The following MAF variants were observed in gnomAD, a reference collection of about 807,000 sequenced individuals.
The protein encoded by MAF is MAF bZIP transcription factor, also known as transcription factor Maf.
Under a neutral mutation model 22.0 loss-of-function variants are expected in MAF, and 10 were observed. The ratio of observed to expected loss-of-function variants is 0.45; its 90% CI spans 0.28 to 0.77. MAF has a LOEUF of 0.77. Among genes scored for constraint, MAF ranks in the 30% least tolerant of loss-of-function variants. The pLI is 0.12. For missense variants in MAF, 544 were observed against 548.4 expected, an observed-to-expected ratio of 0.99 and a Z score of 0.08; for synonymous variants, 337 against 255.8, an observed-to-expected ratio of 1.32 and a Z score of -3.03.
chr16:79,279,404 G>A, the MAF span, among the ~76,000 whole-genome samples: 3 of 152,184 alleles, frequency 2.0e-5, no homozygotes, highest in Non-Finnish European at 4.4e-5. Context: ...GACACGTAAA[G>A]GTTAGTGGCT....
the MAF span, among the ~76,000 whole-genome samples, chr16:79,388,765 T>G: frequency 1.3e-5 from 2 of 152,220 alleles, no homozygotes; most frequent in Non-Finnish European, 2.9e-5. Context: ...TTGTGTGCAT[T>G]AGCACCATTG....
the MAF span, among the ~76,000 whole-genome samples, chr16:79,436,925 G>C: frequency 5.3e-5 from 8 of 152,144 alleles, no homozygotes. Context: ...AGTCTCCCAA[G>C]GTGCCTGTTT....
At chr16:79,544,675 G>C in the MAF span, among the ~76,000 whole-genome samples, 4 of 150,760 alleles carry the variant, frequency 2.7e-5, no homozygotes, top group African/African-American at 4.9e-5. Context: ...TCGGGAGGCT[G>C]AGCAGGAGAA....
chr16:79,578,909 A>G, the MAF span, among the ~76,000 whole-genome samples: 2 of 152,196 alleles, frequency 1.3e-5, no homozygotes, highest in Non-Finnish European at 2.9e-5. Context: ...ATAAAAATAC[A>G]GCAGAGTCCC....
chr16:79,372,826 C>G, the MAF span, among the ~76,000 whole-genome samples: 1 of 152,198 alleles, frequency 6.6e-6, no homozygotes, highest in African/African-American at 2.4e-5. Context: ...CAGCTCCAGA[C>G]CCACTGATTT....
the MAF span, among the ~76,000 whole-genome samples, chr16:79,346,874 CT>C: frequency 6.6e-6 from 1 of 152,288 alleles, no homozygotes; most frequent in East Asian, 1.9e-4. Flanking sequence ...GCAGATGATG[CT>C]GTTAGCATTT....
At chr16:79,321,948 T>G in the MAF span, among the ~76,000 whole-genome samples, 1 of 152,018 alleles carries the variant, frequency 6.6e-6, no homozygotes, top group Admixed American at 6.5e-5. Flanking sequence ...AAAAGGTCTT[T>G]GGACCTGGCA....
the MAF span, among the ~76,000 whole-genome samples, chr16:79,543,061 T>G: frequency 1.3e-5 from 2 of 152,228 alleles, no homozygotes; most frequent in Admixed American, 6.5e-5. Flanking sequence ...ACAGTAAATG[T>G]TAAGCCTTTT....
At chr16:79,388,322 T>C in the MAF span, among the ~76,000 whole-genome samples, 96 of 151,530 alleles carry the variant, frequency 6.3e-4, 2 homozygotes, top group African/African-American at 2.2e-3. Context: ...TTCTACAATA[T>C]AGTAAAACTA....
the MAF span, among the ~76,000 whole-genome samples, chr16:79,226,762 A>C: frequency 8.5e-5 from 13 of 152,208 alleles, no homozygotes; most frequent in African/African-American, 2.9e-4. Context: ...TTCTATGATA[A>C]AGGTATGCTC....
chr16:79,409,992 G>C, the MAF span, among the ~76,000 whole-genome samples: 1 of 152,290 alleles, frequency 6.6e-6, no homozygotes, highest in South Asian at 2.1e-4. Context: ...GAGTCCTTGT[G>C]GATGAATTGC....
At chr16:79,529,936 G>A in the MAF span, among the ~76,000 whole-genome samples, 405 of 150,262 alleles carry the variant, frequency 2.7e-3, 4 homozygotes, top group Non-Finnish European at 7.1e-4. Flanking sequence ...GCTCCAGCCT[G>A]GGCAACAAGA....
At chr16:79,465,549 G>C in the MAF span, among the ~76,000 whole-genome samples, 3 of 152,128 alleles carry the variant, frequency 2.0e-5, no homozygotes, top group Admixed American at 6.5e-5. Context: ...CCGTGATCCC[G>C]TGATCGCACC....
At chr16:79,342,293 G>C in the MAF span, among the ~76,000 whole-genome samples, 1 of 152,164 alleles carries the variant, frequency 6.6e-6, no homozygotes, top group South Asian at 2.1e-4. Flanking sequence ...CCAAGAAAGA[G>C]GGCCCTCGTT....
At chr16:79,279,282 C>T in the MAF span, among the ~76,000 whole-genome samples, 2 of 152,146 alleles carry the variant, frequency 1.3e-5, no homozygotes, top group African/African-American at 4.8e-5. Flanking sequence ...GTCACTGTGA[C>T]CTCCTTGAGC....
At chr16:79,416,782 C>T in the MAF span, among the ~76,000 whole-genome samples, 19 of 152,332 alleles carry the variant, frequency 1.2e-4, no homozygotes, top group African/African-American at 4.3e-4. Context: ...TTGCTACCCT[C>T]TCCCTGTAGA....
At chr16:79,492,426 A>G in the MAF span, among the ~76,000 whole-genome samples, 2 of 152,198 alleles carry the variant, frequency 1.3e-5, no homozygotes, top group African/African-American at 2.4e-5. Flanking sequence ...GTATTTGGGC[A>G]ATTTACATGG....
At chr16:79,556,298 C>T in the MAF span, among the ~76,000 whole-genome samples, 1 of 152,090 alleles carries the variant, frequency 6.6e-6, no homozygotes, top group African/African-American at 2.4e-5. Flanking sequence ...TCTTCATTTC[C>T]CTTTGAATAC....
At chr16:79,521,794 C>A in the MAF span, among the ~76,000 whole-genome samples, 1 of 152,072 alleles carries the variant, frequency 6.6e-6, no homozygotes, top group Non-Finnish European at 1.5e-5. Flanking sequence ...AATTATAATG[C>A]GTGCTTTCTA....
Sources: allele counts gnomAD v4.1 joint callset (sites outside exome capture counted in the v4.1 genomes callset), GRCh38; gene constraint gnomAD v4.1.1; transcripts MANE v1.5; gene names NCBI Gene and HGNC (gene_info 2026-07-23, HGNC 2026-07-21).